PAIP1: variants seen among roughly 807,000 people sequenced by gnomAD.
PAIP1 encodes polyadenylate-binding protein-interacting protein 1.
Under a neutral mutation model 61.3 loss-of-function variants are expected in PAIP1, and 16 were observed. That is an observed-to-expected ratio of 0.26 (90% CI 0.18 to 0.40). The LOEUF is 0.40. Among genes scored for constraint, PAIP1 ranks in the 10% least tolerant of loss-of-function variants. The probability of loss-of-function intolerance (pLI) is 1.00; values close to 1 mark genes in which losing one functional copy is unlikely to be tolerated. For synonymous variants in PAIP1, 187 were observed against 226.2 expected (o/e 0.83, Z 1.56); for missense variants, 416 against 600.9 (o/e 0.69, Z 3.22).
intron 2 of PAIP1, among the ~76,000 whole-genome samples, chr5:43,552,913 T>C (rs375980794): frequency 1.3e-4 from 20 of 152,026 alleles, no homozygotes; most frequent in East Asian, 1.2e-3. Context: ...GTCACAAAAA[T>C]AGTATCAATA....
At chr5:43,535,706 C>T (rs1561229961) in intron 6 of PAIP1, 66 bp from the exon 7 acceptor site, 1 of 833,698 alleles carries the variant, frequency 1.2e-6, no homozygotes, top group Non-Finnish European at 2.0e-6. Flanking sequence ...TAAAAAGATA[C>T]CAGTAACAGT....
chr5:43,554,819 C>T (rs1443818006), intron 2 of PAIP1, among the ~76,000 whole-genome samples: 1 of 152,154 alleles, frequency 6.6e-6, no homozygotes, highest in Non-Finnish European at 1.5e-5. Context: ...CAACTCCATA[C>T]CTTGGTAATA....
intron 4 of PAIP1, among the ~76,000 whole-genome samples, chr5:43,541,808 T>G (rs1030163485): frequency 1.3e-5 from 2 of 151,508 alleles, no homozygotes; most frequent in Non-Finnish European, 2.9e-5. Context: ...CTCCAAAATA[T>G]CTAACATACT....
intron 10 of PAIP1, among the ~76,000 whole-genome samples, chr5:43,527,884 G>T (rs976215731): frequency 2.0e-5 from 3 of 152,130 alleles, no homozygotes. Context: ...CTAATATTTT[G>T]TGTCTACTTA....
At chr5:43,530,571 G>A (rs1746893954) in intron 9 of PAIP1, among the ~76,000 whole-genome samples, 2 of 152,158 alleles carry the variant, frequency 1.3e-5, no homozygotes, top group Non-Finnish European at 2.9e-5. Flanking sequence ...AATTATATTA[G>A]ACTGGGTAAA....
At chr5:43,556,402 C>T in intron 1 of PAIP1, 180 bp downstream of exon 1, 1 of 1,229,718 alleles carries the variant, frequency 8.1e-7, no homozygotes, top group Admixed American at 4.2e-5. Context: ...AGGATTCCAG[C>T]AGACACCTTC....
chr5:43,536,174 T>C (rs1012968721), intron 6 of PAIP1, among the ~76,000 whole-genome samples: 1 of 152,204 alleles, frequency 6.6e-6, no homozygotes, highest in Admixed American at 6.5e-5. Flanking sequence ...ATGTACTCAT[T>C]CTGCTGATGG....
At chr5:43,530,719 G>T (rs1746898886) in intron 9 of PAIP1, among the ~76,000 whole-genome samples, 3 of 152,168 alleles carry the variant, frequency 2.0e-5, no homozygotes, top group Non-Finnish European at 2.9e-5. Flanking sequence ...AAAAAGACAG[G>T]CATTCTTTTA....
At position 43,534,901 on chromosome 5, in the gene PAIP1, A is replaced by C; in HGVS notation, c.1149T>G (p.Thr383=). ...CTGGTGTTGCTTCTCTATATGTTGA[A>C]GTTGCATGGACTCTGCCCCAGTTAC... The part of the protein sequence containing the change: ...RSSNWGRVHA[T]STYREATPEN... The change falls in exon 8 of 11, where the codon ACT becomes ACG. Residue 383 remains threonine (T), a synonymous_variant. Transcript: ENST00000306846. 1 of 1,607,026 alleles carries C rather than the reference A, an allele frequency of 6.2e-7. No homozygotes were observed. Among genetic ancestry groups the C allele is most frequent in the East Asian group, 2.2e-5 (1 of 44,834 alleles).
intron 10 of PAIP1, among the ~76,000 whole-genome samples, chr5:43,528,764 A>G (rs1321745394): frequency 1.3e-5 from 2 of 152,194 alleles, no homozygotes; most frequent in African/African-American, 2.4e-5. Flanking sequence ...AGTTCAAGAT[A>G]TAATTTATTC....
chr5:43,554,321 CA>C (rs1243453804), intron 2 of PAIP1, among the ~76,000 whole-genome samples: 1 of 152,204 alleles, frequency 6.6e-6, no homozygotes, highest in Admixed American at 6.5e-5. Context: ...AGAGTTTATT[CA>C]ACCTCTTACA....
In PAIP1 at chr5:43,556,891, G is replaced by A. The variant is rs1257818326; in HGVS notation, c.-45C>T. On this transcript the variant is annotated 5_prime_UTR_variant, in exon 1 of 11. Coordinates refer to ENST00000306846, the MANE Select transcript of PAIP1 (RefSeq NM_006451.5). ...CTCCTCCAGGGGCCGCTGCCGCTGC[G>A]CTCGCGATAGGACGCGGGGGGAAGG... The A allele has an allele frequency of 2.2e-6, 3 of 1,354,356 alleles. No individual in the cohort carries two copies. Among genetic ancestry groups the A allele is most frequent in the Admixed American group, 4.0e-5 (1 of 25,270 alleles). The allele number at this position is 1,354,356 out of a possible 1,614,324, so 83.9% of individuals were successfully genotyped here.
intron 5 of PAIP1, 99 bp downstream of exon 5, chr5:43,538,825 C>T (rs962315270): frequency 5.7e-6 from 4 of 702,956 alleles, no homozygotes; most frequent in Non-Finnish European, 1.0e-5. Flanking sequence ...TCATTTCACT[C>T]TTAATGTTGT....
chr5:43,535,096 G>T (rs367871748), intron 7 of PAIP1, 126 bp from the exon 8 acceptor site: 1 of 644,648 alleles, frequency 1.6e-6, no homozygotes, highest in Admixed American at 2.7e-5. Flanking sequence ...TGACTTTCTA[G>T]ACGTTTCCTA....
rs182630978 is a variant in PAIP1 at position 43,528,692 on chromosome 5, G to A, written c.1346+1094C>T. Among the ~76,000 whole-genome samples the A allele has an allele frequency of 9.9e-5, 15 of 151,500 alleles. No homozygotes were observed. In the East Asian group the frequency reaches 2.9e-3, roughly 29 times the overall value. On this transcript the variant is annotated intron_variant, in intron 10 of 10. Transcript: ENST00000306846. ...CCGACACATAATTAAAATATCACTA[G>A]AATAAAAGTGGTTCACTTTTTTAAA... is the stretch of plus-strand genomic sequence containing the variant.
At chr5:43,551,466 A>G (rs1441655089) in intron 2 of PAIP1, among the ~76,000 whole-genome samples, 1 of 152,248 alleles carries the variant, frequency 6.6e-6, no homozygotes, top group African/African-American at 2.4e-5. Flanking sequence ...CATTATAAAT[A>G]TTGACATTAT....
In PAIP1 at chr5:43,552,294, C is replaced by T. The variant is rs372664084; in HGVS notation, c.435+3536G>A. Among the ~76,000 whole-genome samples, 23 of 152,154 alleles carry T rather than the reference C, an allele frequency of 1.5e-4. No homozygotes were observed. In the East Asian group the frequency reaches 3.7e-3, roughly 24 times the overall value. ...TGTAAGCAGCTAGTTAGAAGAGATT[C>T]GCATGAGATAAATAATTCTTACACT... On this transcript the variant is annotated intron_variant, in intron 2 of 10. Transcript: ENST00000306846.
At chr5:43,556,279 C>T (rs975987335) in intron 1 of PAIP1, 1 of 1,269,810 alleles carries the variant, frequency 7.9e-7, no homozygotes, top group Non-Finnish European at 9.9e-7. Flanking sequence ...GAGGTGGTTA[C>T]TCGCTAGGGT....
intron 9 of PAIP1, among the ~76,000 whole-genome samples, chr5:43,531,484 T>TAAAA (rs61298106): frequency 8.1e-6 from 1 of 123,440 alleles, no homozygotes; most frequent in African/African-American, 3.0e-5. Flanking sequence ...CCTGTCTCAA[T>TAAAA]AAAAAAAAAA....
Sources: gnomAD v4.1 joint callset for allele counts (sites outside exome capture counted in the v4.1 genomes callset) on GRCh38, gnomAD v4.1.1 for gene constraint, MANE v1.5 for transcripts, NCBI Gene and HGNC (gene_info 2026-07-23, HGNC 2026-07-21) for gene names.